Variants in GCH1 observed in about 807,000 individuals in gnomAD.
GCH1 encodes GTP cyclohydrolase I.
Under a neutral mutation model 25.9 loss-of-function variants are expected in GCH1, and 5 were observed. The ratio of observed to expected loss-of-function variants is 0.19; its 90% CI spans 0.10 to 0.41. GCH1 has a LOEUF of 0.41. Among genes scored for constraint, GCH1 ranks in the 10% least tolerant of loss-of-function variants. The pLI is 1.00. For synonymous variants in GCH1, 159 were observed against 129.6 expected (o/e 1.23, Z -1.54); for missense variants, 261 against 336.5 (o/e 0.78, Z 1.75).
At chr14:54,848,601 A>G (rs932218994) in intron 3 of GCH1, among the ~76,000 whole-genome samples, 2 of 152,044 alleles carry the variant, frequency 1.3e-5, no homozygotes, top group Non-Finnish European at 2.9e-5. Context: ...CCTATGAGGC[A>G]TTTCCTGGCT....
intron 1 of GCH1, among the ~76,000 whole-genome samples, chr14:54,899,820 G>A (rs540781996): frequency 6.6e-6 from 1 of 150,810 alleles, no homozygotes; most frequent in East Asian, 1.9e-4. Context: ...CCCTCTTCTC[G>A]CCAGTCCCTG....
rs886050552 is a variant in GCH1 at position 54,902,761 on chromosome 14, G to A, written c.-98C>T. 4 of 1,354,064 alleles carry A rather than the reference G, an allele frequency of 3.0e-6. No individual in the cohort carries two copies. The highest frequency in any genetic ancestry group is 7.2e-5 in the Admixed American group (2 of 27,700). The allele number at this position is 1,354,064 out of a possible 1,614,324, so 83.9% of individuals were successfully genotyped here. ...TGGCCGCGGACAATGGGCTGTGGCCGGAGTCACCTGAGGAAGGTACGCAAC... is the reference window on the plus strand; with the variant it reads ...TGGCCGCGGACAATGGGCTGTGGCCAGAGTCACCTGAGGAAGGTACGCAAC... On this transcript the variant is annotated 5_prime_UTR_variant, in exon 1 of 6. Coordinates refer to ENST00000491895, the MANE Select transcript of GCH1 (RefSeq NM_000161.3).
At position 54,847,143 on chromosome 14, in the gene GCH1, G is replaced by C. The variant is rs1172601960; in HGVS notation, c.510-13C>G. 2 of 965,732 alleles carry C rather than the reference G, an allele frequency of 2.1e-6. No individual in the cohort carries two copies. The highest frequency in any genetic ancestry group is 1.4e-5 in the South Asian group (1 of 72,560). 59.8% of individuals were successfully genotyped at this position (965,732 alleles called of 1,614,324 possible). A position where few individuals can be genotyped will look rare whatever the true frequency, so the allele number is the denominator to read the frequency against. On this transcript the variant is annotated splice_polypyrimidine_tract_variant and intron_variant, in intron 3 of 5. Coordinates refer to ENST00000491895, the MANE Select transcript of GCH1 (RefSeq NM_000161.3). ...GATTTCTACAATCCTAGAAAAGAAA[G>C]AATTGTTTTAGTTAATCACAAATCA...
intron 3 of GCH1, among the ~76,000 whole-genome samples, chr14:54,850,750 T>C (rs947552984): frequency 1.9e-4 from 29 of 152,146 alleles, no homozygotes; most frequent in Non-Finnish European, 3.1e-4. Flanking sequence ...GTCCTTGCGA[T>C]AGTTTGCTCA....
chr14:54,883,724 G>T (rs2040307805), intron 1 of GCH1, among the ~76,000 whole-genome samples: 1 of 152,082 alleles, frequency 6.6e-6, no homozygotes, highest in South Asian at 2.1e-4. Context: ...CAGACCCACT[G>T]CTGGCCCAAA....
intron 1 of GCH1, among the ~76,000 whole-genome samples, chr14:54,866,456 A>G (rs1363015829): frequency 1.3e-5 from 2 of 151,998 alleles, no homozygotes; most frequent in Non-Finnish European, 2.9e-5. Flanking sequence ...GAAAATAAAT[A>G]TAGACATAGA....
At chr14:54,896,585 G>A (rs1371604535) in intron 1 of GCH1, among the ~76,000 whole-genome samples, 1 of 151,836 alleles carries the variant, frequency 6.6e-6, no homozygotes, top group South Asian at 2.1e-4. Context: ...TGGAGCCAGT[G>A]CACACACACA....
chr14:54,851,429 A>G (rs1043454313), intron 3 of GCH1, among the ~76,000 whole-genome samples: 20 of 152,248 alleles, frequency 1.3e-4, no homozygotes, highest in African/African-American at 4.8e-4. Context: ...ATCACAGTGA[A>G]CAGGCAACCT....
At chr14:54,866,261 T>A (rs965477866) in intron 1 of GCH1, among the ~76,000 whole-genome samples, 3 of 152,146 alleles carry the variant, frequency 2.0e-5, no homozygotes, top group African/African-American at 7.2e-5. Flanking sequence ...CTGTCCTGGA[T>A]GCTGAAGAGG....
At chr14:54,863,194 CG>C in intron 2 of GCH1, among the ~76,000 whole-genome samples, 1 of 151,828 alleles carries the variant, frequency 6.6e-6, no homozygotes, top group East Asian at 1.9e-4. Context: ...CCAAGGCGGG[CG>C]GATCACGAGG....
intron 1 of GCH1, chr14:54,885,651 G>A (rs187291860): frequency 7.4e-6 from 2 of 271,452 alleles, no homozygotes; most frequent in African/African-American, 4.6e-5. Context: ...CACTTTGGGA[G>A]GCCAAGGCAG....
At chr14:54,878,812 G>A (rs1424882500) in intron 1 of GCH1, among the ~76,000 whole-genome samples, 1 of 152,098 alleles carries the variant, frequency 6.6e-6, no homozygotes, top group South Asian at 2.1e-4. Flanking sequence ...CACCCAGGCT[G>A]GAGTGCAGCA....
chr14:54,848,389 T>C (rs2140045767), intron 3 of GCH1, among the ~76,000 whole-genome samples: 1 of 152,086 alleles, frequency 6.6e-6, no homozygotes, highest in East Asian at 1.9e-4. Flanking sequence ...CCCACCACAG[T>C]CTCCCAAAAT....
chr14:54,853,276 T>C (rs1469852627), intron 3 of GCH1, among the ~76,000 whole-genome samples: 1 of 152,180 alleles, frequency 6.6e-6, no homozygotes, highest in Non-Finnish European at 1.5e-5. Context: ...ATGGGGTCGT[T>C]TGAAACTAAA....
At chr14:54,852,047 C>T (rs2039739324) in intron 3 of GCH1, among the ~76,000 whole-genome samples, 1 of 152,204 alleles carries the variant, frequency 6.6e-6, no homozygotes, top group African/African-American at 2.4e-5. Context: ...GCCTTGGCCT[C>T]CCAAAGTGCT....
chr14:54,879,792 C>A (rs925986923), intron 1 of GCH1, among the ~76,000 whole-genome samples: 73 of 152,006 alleles, frequency 4.8e-4, no homozygotes, highest in Admixed American at 1.7e-3. Context: ...CAAGACCAGC[C>A]TGGCTAACAT....
At chr14:54,900,866 C>T (rs979363191) in intron 1 of GCH1, among the ~76,000 whole-genome samples, 3 of 149,824 alleles carry the variant, frequency 2.0e-5, no homozygotes, top group Non-Finnish European at 4.4e-5. Context: ...CACACACACA[C>T]ACACACACAC....
Position 54,860,369 on chromosome 14 carries a change from T to C in GCH1, c.454-633A>G, listed in dbSNP as rs2039877327. Among the ~76,000 whole-genome samples the C allele has an allele frequency of 3.9e-5, 6 of 152,224 alleles. No individual in the cohort carries two copies. The South Asian group carries it at 1.2e-3, about 32-fold the overall frequency. ...TGTATACAGGAAAGCCTCCTTTAAATGGCAAAAACTGTAAGCATAAGTATT... is the reference window on the plus strand; with the variant it reads ...TGTATACAGGAAAGCCTCCTTTAAACGGCAAAAACTGTAAGCATAAGTATT... On this transcript the variant is annotated intron_variant, in intron 2 of 5. Transcript: ENST00000491895.
chr14:54,867,535 C>T (rs771944581), intron 1 of GCH1, among the ~76,000 whole-genome samples: 2 of 141,842 alleles, frequency 1.4e-5, no homozygotes, highest in African/African-American at 2.7e-5. Flanking sequence ...CTGCAGTGAG[C>T]CGAGATCATG....
Sources: gnomAD v4.1 joint callset for allele counts (sites outside exome capture counted in the v4.1 genomes callset) on GRCh38, gnomAD v4.1.1 for gene constraint, MANE v1.5 for transcripts, NCBI Gene and HGNC (gene_info 2026-07-23, HGNC 2026-07-21) for gene names.